Variants in LIG1 observed in about 807,000 individuals in gnomAD.
The protein encoded by LIG1 is DNA ligase 1, also known as ligase I, DNA, ATP-dependent.
A neutral mutation model predicts 115.7 loss-of-function variants in LIG1; 70 were observed. The ratio of observed to expected loss-of-function variants is 0.60; its 90% CI spans 0.50 to 0.74. The LOEUF (loss-of-function observed/expected upper bound fraction) is 0.74, where lower values mean the gene tolerates loss of function less well. LIG1 is among the 30% of genes least tolerant of loss of function. LIG1 has a pLI of 0.00. For synonymous variants in LIG1, 487 were observed against 495.3 expected (o/e 0.98, Z 0.22); for missense variants, 1,115 against 1,225.6 (o/e 0.91, Z 1.35).
chr19:48,142,316 G>A (rs2034814138), intron 11 of LIG1, among the ~76,000 whole-genome samples: 2 of 151,950 alleles, frequency 1.3e-5, no homozygotes, highest in Admixed American at 1.3e-4. Context: ...GGTGGCAGGT[G>A]CCTGTAGTCC....
chr19:48,121,016 A>T, intron 24 of LIG1, 154 bp downstream of exon 24: 1 of 1,513,792 alleles, frequency 6.6e-7, no homozygotes, highest in Non-Finnish European at 8.8e-7. Context: ...AGAGTTGCTC[A>T]TAGAACCAGA....
Position 48,122,342 on chromosome 19 carries a change from A to C in LIG1, c.2232+592T>G, listed in dbSNP as rs1211761944. ...CCTGAAACCTTCAAGAGGAAGATCC[A>C]GTTTTATCTCACAGTGGCCCCAGGT... is the stretch of plus-strand genomic sequence containing the variant. On this transcript the variant is annotated intron_variant, in intron 23 of 27. Transcript: ENST00000263274. The surrounding 1 kb of genome is among the most constrained non-coding windows in gnomAD (Gnocchi z 4.3). 1 of 160,752 alleles carries C rather than the reference A, an allele frequency of 6.2e-6. No individual in the cohort carries two copies. Among genetic ancestry groups the C allele is most frequent in the African/African-American group, 2.4e-5 (1 of 41,552 alleles). 10.0% of individuals were successfully genotyped at this position (160,752 alleles called of 1,614,324 possible). A position where few individuals can be genotyped will look rare whatever the true frequency, so the allele number is the denominator to read the frequency against.
At chr19:48,163,185 TG>T (rs2036283353) in intron 2 of LIG1, among the ~76,000 whole-genome samples, 1 of 151,920 alleles carries the variant, frequency 6.6e-6, no homozygotes, top group Admixed American at 6.6e-5. Flanking sequence ...CCCAAAGTGT[TG>T]GGATTACAGG....
chr19:48,167,975 A>T (rs2036571613), intron 1 of LIG1, among the ~76,000 whole-genome samples: 1 of 152,166 alleles, frequency 6.6e-6, no homozygotes, highest in South Asian at 2.1e-4. Context: ...TAGCCACCAA[A>T]ATCCTGAGGG....
At chr19:48,152,922 C>G (rs369189797) in intron 6 of LIG1, among the ~76,000 whole-genome samples, 1 of 152,064 alleles carries the variant, frequency 6.6e-6, no homozygotes, top group African/African-American at 2.4e-5. Context: ...ACAGGCTGGG[C>G]GCAGTGGCTC....
chr19:48,117,736 C>A lies in LIG1; in HGVS notation c.2485G>T (p.Ala829Ser). 3 of 1,613,146 alleles carry A rather than the reference C, an allele frequency of 1.9e-6. No individual in the cohort carries two copies. Among genetic ancestry groups the A allele is most frequent in the Non-Finnish European group, 1.7e-6 (2 of 1,179,806 alleles). The change falls in exon 26 of 28, where the codon GCT (alanine) becomes TCT (serine). Residue 829 changes from alanine to serine, a missense_variant. Coordinates refer to ENST00000263274, the MANE Select transcript of LIG1 (RefSeq NM_000234.3). ...SPRPYVRIDG[A>S]VIPDHWLDPS... ...TCCAGCCAGTGGTCGGGAATCACAG[C>A]GCCATCTATCCGCACGTAAGGGCGT...
rs3730976 is a variant in LIG1, at chr19:48,136,215, T to C, written c.1332-90A>G. On this transcript the variant is annotated intron_variant, in intron 14 of 27. Coordinates refer to ENST00000263274, the MANE Select transcript of LIG1 (RefSeq NM_000234.3). ...CTCTGATCTCCTCGACCTTGATGTA[T>C]GTAGACCCTCTCCTCAAAAACCAGA... 0.36 allele frequency: 331,278 copies of C among 925,246 alleles called. 62,333 individuals are homozygous for C. Among genetic ancestry groups the C allele is most frequent in the East Asian group, 0.56 (21,299 of 37,890 alleles). 57.3% of individuals were successfully genotyped at this position (925,246 alleles called of 1,614,324 possible).
chr19:48,123,854 T>TA lies in LIG1; in HGVS notation c.2005-537dup, dbSNP rs1555766307. Among the ~76,000 whole-genome samples, 417 of 137,246 alleles carry TA rather than the reference T, an allele frequency of 3.0e-3. 1 individual carries two copies. Among genetic ancestry groups the TA allele is most frequent in the Middle Eastern group, 7.6e-3 (2 of 262 alleles). 90.0% of individuals were successfully genotyped at this position (137,246 alleles called of 152,430 possible). A position where few individuals can be genotyped will look rare whatever the true frequency, so the allele number is the denominator to read the frequency against. On this transcript the variant is annotated intron_variant, in intron 21 of 27. Coordinates refer to ENST00000263274, the MANE Select transcript of LIG1 (RefSeq NM_000234.3). The stretch of plus-strand genomic sequence containing the variant: ...CATCCAGCCTCATCCCCAAGATAAT[T>TA]AAAAAAAAAAAAAAAAGTCCTCCTT...
At chr19:48,141,150 T>C (rs1334067465) in intron 11 of LIG1, among the ~76,000 whole-genome samples, 3 of 152,262 alleles carry the variant, frequency 2.0e-5, no homozygotes, top group African/African-American at 7.2e-5. Context: ...ACTTTGCACC[T>C]TTTTTTTGAG....
At chr19:48,138,352 C>T (rs886166514) in intron 12 of LIG1, among the ~76,000 whole-genome samples, 1 of 152,194 alleles carries the variant, frequency 6.6e-6, no homozygotes, top group African/African-American at 2.4e-5. Flanking sequence ...CTACACCTAT[C>T]GAGATAACGC....
chr19:48,115,742 G>A lies in LIG1; in HGVS notation c.2677-10C>T. The A allele has an allele frequency of 6.2e-7, 1 of 1,612,576 alleles. No individual in the cohort carries two copies. Among genetic ancestry groups the A allele is most frequent in the Non-Finnish European group, 8.5e-7 (1 of 1,178,588 alleles). ...GGTACAAACAGGCCACCTGCGGAGA[G>A]AGGGTGGGACGGGGTGGTCAGAAGC... On this transcript the variant is annotated splice_polypyrimidine_tract_variant and intron_variant, in intron 27 of 27. Coordinates refer to ENST00000263274, the MANE Select transcript of LIG1 (RefSeq NM_000234.3).
At chr19:48,148,871 T>A (rs980379768) in intron 9 of LIG1, among the ~76,000 whole-genome samples, 8 of 152,250 alleles carry the variant, frequency 5.3e-5, no homozygotes, top group African/African-American at 1.9e-4. Flanking sequence ...CCCAGCACAC[T>A]AAGCACATCA....
chr19:48,151,183 C>T, intron 7 of LIG1, 49 bp downstream of exon 7: 1 of 1,178,436 alleles, frequency 8.5e-7, no homozygotes, highest in Non-Finnish European at 1.3e-6. Flanking sequence ...GACTTCTGAC[C>T]CCAAAATCAG....
intron 14 of LIG1, among the ~76,000 whole-genome samples, 189 bp downstream of exon 14, chr19:48,136,819 G>C (rs1285586411): frequency 1.3e-5 from 2 of 152,198 alleles, no homozygotes; most frequent in Non-Finnish European, 2.9e-5. Context: ...GCACTACCAA[G>C]GGACAGAAGC....
intron 5 of LIG1, 53 bp from the exon 6 acceptor site, chr19:48,154,020 A>G: frequency 6.8e-7 from 1 of 1,467,068 alleles, no homozygotes; most frequent in Admixed American, 1.7e-5. Context: ...GTGTGCTCCC[A>G]TCCCGGAGAG....
At chr19:48,159,263 G>A (rs548290500) in intron 4 of LIG1, among the ~76,000 whole-genome samples, 60 of 152,222 alleles carry the variant, frequency 3.9e-4, no homozygotes, top group African/African-American at 1.4e-3. Flanking sequence ...GCAGAGATGA[G>A]GTTTCACTAT....
chr19:48,144,108 T>A, intron 9 of LIG1, 145 bp from the exon 10 acceptor site: 1 of 741,886 alleles, frequency 1.3e-6, no homozygotes, highest in South Asian at 1.4e-5. Flanking sequence ...GGAGCTCACA[T>A]TCCAGCAGGA....
intron 7 of LIG1, among the ~76,000 whole-genome samples, chr19:48,150,841 G>T (rs912550085): frequency 6.6e-6 from 1 of 152,020 alleles, no homozygotes; most frequent in Admixed American, 6.6e-5. Context: ...GGAACTACAG[G>T]TACGTGCCAC....
chr19:48,165,381 CTT>C (rs1451273131), intron 2 of LIG1, among the ~76,000 whole-genome samples, 167 bp downstream of exon 2: 1 of 152,200 alleles, frequency 6.6e-6, no homozygotes, highest in African/African-American at 2.4e-5. Flanking sequence ...AATACACTGT[CTT>C]CCATATCCCA....
Sources: gnomAD v4.1 joint callset for allele counts (sites outside exome capture counted in the v4.1 genomes callset) on GRCh38, gnomAD v4.1.1 for gene constraint, Gnocchi (gnomAD v3.1) non-coding constraint, MANE v1.5 for transcripts, NCBI Gene and HGNC (gene_info 2026-07-23, HGNC 2026-07-21) for gene names.